The following MLLT3 variants were observed in gnomAD, a reference collection of about 807,000 sequenced individuals.
MLLT3 encodes the protein protein AF-9.
A neutral mutation model predicts 53.2 loss-of-function variants in MLLT3; 4 were observed. The ratio of observed to expected loss-of-function variants is 0.08; its 90% CI spans 0.04 to 0.17. MLLT3 has a LOEUF of 0.17. Ranked by LOEUF, MLLT3 falls within the 10% of genes least tolerant of loss-of-function variation. The pLI is 1.00. For synonymous variants in MLLT3, 283 were observed against 230.6 expected, an observed-to-expected ratio of 1.23 and a Z score of -2.06; for missense variants, 569 against 684.0, an observed-to-expected ratio of 0.83 and a Z score of 1.87.
chr9:20,546,585 T>C (rs976592902), intron 2 of MLLT3, among the ~76,000 whole-genome samples: 1 of 151,882 alleles, frequency 6.6e-6, no homozygotes, highest in African/African-American at 2.4e-5. Context: ...TAGACGAACC[T>C]GTGTATGGTA....
chr9:20,446,751 T>C (rs1320194284), intron 4 of MLLT3, among the ~76,000 whole-genome samples: 1 of 152,194 alleles, frequency 6.6e-6, no homozygotes, highest in Non-Finnish European at 1.5e-5. Context: ...CTGATAACTA[T>C]AAAAGGAGTA....
chr9:20,486,324 C>T (rs1244640590), intron 2 of MLLT3, among the ~76,000 whole-genome samples: 1 of 151,986 alleles, frequency 6.6e-6, no homozygotes, highest in East Asian at 1.9e-4. Flanking sequence ...GCAGCAAAAA[C>T]TCAATGAACT....
intron 8 of MLLT3, among the ~76,000 whole-genome samples, chr9:20,356,166 G>C (rs1262154457): frequency 2.0e-5 from 3 of 152,096 alleles, no homozygotes. Flanking sequence ...ACTCCTGAAG[G>C]GGCATATTTT....
At chr9:20,526,186 T>C (rs1350498203) in intron 2 of MLLT3, among the ~76,000 whole-genome samples, 2 of 152,188 alleles carry the variant, frequency 1.3e-5, no homozygotes, top group Admixed American at 1.3e-4. Context: ...TTTTAAAAAG[T>C]AAGCTTATCA....
At chr9:20,589,161 A>T (rs982466527) in intron 2 of MLLT3, among the ~76,000 whole-genome samples, 2 of 149,682 alleles carry the variant, frequency 1.3e-5, no homozygotes, top group South Asian at 2.1e-4. Flanking sequence ...CACTATTCAC[A>T]ATAGCAAAGA....
chr9:20,573,949 T>C (rs1207360853), intron 2 of MLLT3, among the ~76,000 whole-genome samples: 1 of 152,204 alleles, frequency 6.6e-6, no homozygotes, highest in South Asian at 2.1e-4. Context: ...GTTTCATTTT[T>C]TGGGTTTGAG....
At chr9:20,615,062 G>A (rs1010369616) in intron 2 of MLLT3, among the ~76,000 whole-genome samples, 2 of 152,162 alleles carry the variant, frequency 1.3e-5, no homozygotes, top group African/African-American at 4.8e-5. Flanking sequence ...GACAGTGATA[G>A]GCCGGGCACA....
chr9:20,364,243 A>C (rs2118644478), intron 6 of MLLT3, among the ~76,000 whole-genome samples: 1 of 152,340 alleles, frequency 6.6e-6, no homozygotes, highest in South Asian at 2.1e-4. Context: ...GCATGTATAA[A>C]CATAAACAAG....
rs567921852 is a variant in MLLT3, at chr9:20,566,030, A to G, written c.193+54624T>C. Among the ~76,000 whole-genome samples, 314 of 127,462 alleles carry G rather than the reference A, an allele frequency of 2.5e-3. 2 individuals are homozygous for G. Among genetic ancestry groups the G allele is most frequent in the African/African-American group, 8.3e-3 (291 of 35,264 alleles). 83.6% of individuals were successfully genotyped at this position (127,462 alleles called of 152,430 possible). On this transcript the variant is annotated intron_variant, in intron 2 of 10. Transcript: ENST00000380338. ...TATATATTTTTATATATATTTATTT[A>G]TATTTATTTATTTATATATATATTT... is the stretch of plus-strand genomic sequence containing the variant.
intron 2 of MLLT3, among the ~76,000 whole-genome samples, chr9:20,547,335 T>G (rs548750443): frequency 4.6e-5 from 7 of 151,652 alleles, no homozygotes; most frequent in Non-Finnish European, 8.8e-5. Context: ...TGCCCGGCCC[T>G]CATACTGTCT....
At chr9:20,489,130 T>G (rs771921653) in intron 2 of MLLT3, among the ~76,000 whole-genome samples, 3 of 152,136 alleles carry the variant, frequency 2.0e-5, no homozygotes, top group Non-Finnish European at 4.4e-5. Flanking sequence ...ATTAAACAAA[T>G]TCCTTGTTTC....
At chr9:20,466,407 C>G (rs1381991198) in intron 2 of MLLT3, among the ~76,000 whole-genome samples, 1 of 152,146 alleles carries the variant, frequency 6.6e-6, no homozygotes, top group African/African-American at 2.4e-5. Flanking sequence ...AAATCTGAAA[C>G]CACTGTTCAA....
In MLLT3 at chr9:20,504,079, A is replaced by G. The variant is rs113310474; in HGVS notation, c.194-47293T>C. Reference sequence around the variant, plus strand: ...TTTTGCAAGGATATAGAGAGCAGAGAAAAAGGATCCACTGTATACTGTTGG... The same window carrying G: ...TTTTGCAAGGATATAGAGAGCAGAGGAAAAGGATCCACTGTATACTGTTGG... On this transcript the variant is annotated intron_variant, in intron 2 of 10. Transcript: ENST00000380338. 3.3e-3 allele frequency among the ~76,000 whole-genome samples: 501 copies of G among 152,304 alleles called. 4 individuals carry two copies. Among genetic ancestry groups the G allele is most frequent in the African/African-American group, 0.012 (481 of 41,582 alleles).
At chr9:20,384,757 T>C (rs1586908559) in intron 5 of MLLT3, among the ~76,000 whole-genome samples, 1 of 152,110 alleles carries the variant, frequency 6.6e-6, no homozygotes, top group African/African-American at 2.4e-5. Context: ...ATAAATCAAA[T>C]AGAGTCATCA....
chr9:20,347,317 A>T (rs1378742976), intron 10 of MLLT3, among the ~76,000 whole-genome samples: 3 of 152,180 alleles, frequency 2.0e-5, no homozygotes. Context: ...TGTTCACTTG[A>T]TTCCCCTGAA....
intron 10 of MLLT3, among the ~76,000 whole-genome samples, chr9:20,348,020 A>T (rs1195350973): frequency 6.6e-6 from 1 of 152,150 alleles, no homozygotes; most frequent in Admixed American, 6.5e-5. Context: ...CATTCCTGAC[A>T]TATTATTTGA....
At chr9:20,416,338 A>AT (rs1041823603) in intron 4 of MLLT3, among the ~76,000 whole-genome samples, 5 of 152,052 alleles carry the variant, frequency 3.3e-5, no homozygotes, top group African/African-American at 1.2e-4. Flanking sequence ...TTATACACAT[A>AT]TTTTGTAAAT....
At position 20,351,554 on chromosome 9, in the gene MLLT3, C is replaced by G. The variant is rs76231281; in HGVS notation, c.1575+1971G>C. On this transcript the variant is annotated intron_variant, in intron 10 of 10. Coordinates refer to ENST00000380338, the MANE Select transcript of MLLT3 (RefSeq NM_004529.4). ...GATCCAATGCTGTCTGTTCATTAAA[C>G]TAGCTGCCGAGTGCCAGGACTGCAT... is the stretch of plus-strand genomic sequence containing the variant. 5.9e-3 allele frequency among the ~76,000 whole-genome samples: 894 copies of G among 152,314 alleles called. 12 individuals are homozygous for G. Among genetic ancestry groups the G allele is most frequent in the African/African-American group, 0.021 (858 of 41,566 alleles).
At chr9:20,566,758 C>G (rs944432777) in intron 2 of MLLT3, among the ~76,000 whole-genome samples, 13 of 152,086 alleles carry the variant, frequency 8.5e-5, no homozygotes, top group African/African-American at 3.1e-4. Flanking sequence ...TGTGTCCTTA[C>G]ATATGCTTGT....
Sources: allele counts gnomAD v4.1 joint callset (sites outside exome capture counted in the v4.1 genomes callset), GRCh38; gene constraint gnomAD v4.1.1; transcripts MANE v1.5; gene names NCBI Gene and HGNC (gene_info 2026-07-23, HGNC 2026-07-21).